MAD1L1: variants seen among roughly 807,000 people sequenced by gnomAD.
MAD1L1 encodes mitotic arrest deficient 1 like 1, also known as mitotic spindle assembly checkpoint protein MAD1.
A neutral mutation model predicts 96.9 loss-of-function variants in MAD1L1; 95 were observed. The observed-to-expected ratio is 0.98, with a 90% CI of 0.83 to 1.16. The LOEUF is 1.16. Among genes scored for constraint, MAD1L1 ranks in the 50% most tolerant of loss-of-function variants. The pLI is 0.00. For missense variants in MAD1L1, 1,007 were observed against 954.4 expected (o/e 1.06, Z -0.73); for synonymous variants, 473 against 396.6 (o/e 1.19, Z -2.29).
At chr7:2,188,930 G>A (rs561952543) in intron 10 of MAD1L1, among the ~76,000 whole-genome samples, 3 of 152,268 alleles carry the variant, frequency 2.0e-5, no homozygotes, top group South Asian at 4.1e-4. Flanking sequence ...TTTGGAAACC[G>A]TATCTGTAAG....
intron 14 of MAD1L1, among the ~76,000 whole-genome samples, chr7:1,997,534 G>A (rs1268978161): frequency 6.6e-6 from 1 of 152,262 alleles, no homozygotes; most frequent in Non-Finnish European, 1.5e-5. Flanking sequence ...GCGAGCTCCC[G>A]CTCAGGTTCC....
In MAD1L1 at chr7:2,033,959, G is replaced by A. The variant is rs1783349959; in HGVS notation, c.1219-19317C>T. On this transcript the variant is annotated intron_variant, in intron 12 of 18. Transcript: ENST00000265854. ...AATTTTTTTTTAATTAGCCAGGCGG[G>A]GCGGCATGCACCTATAGTCCCAGCT... 2.6e-5 allele frequency among the ~76,000 whole-genome samples: 4 copies of A among 152,142 alleles called. No individual in the cohort carries two copies. In the South Asian group the frequency reaches 8.3e-4, roughly 32 times the overall value.
Position 1,936,743 on chromosome 7 carries a change from A to G in MAD1L1, c.1751T>C (p.Val584Ala). The G allele has an allele frequency of 6.4e-7, 1 of 1,565,618 alleles. No homozygotes were observed. ...GGCGGCAGCCTCAAGGTCGGCTGGG[A>G]CGGTGCCTCCTCTCTCCATGGCGCG... Reference protein sequence around the residue: ...LLRAMERGGTVPADLEAAAAS... With the variant: ...LLRAMERGGTAPADLEAAAAS... The change falls in exon 17 of 19, where the codon GTC (valine) becomes GCC (alanine). Residue 584 changes from valine (V) to alanine (A), a missense_variant. Physicochemically the swap from Val to Ala is moderately conservative, Grantham distance 64. Coordinates refer to ENST00000265854, the MANE Select transcript of MAD1L1 (RefSeq NM_001013836.2).
At chr7:2,066,995 C>A (rs2128527593) in intron 12 of MAD1L1, among the ~76,000 whole-genome samples, 1 of 152,366 alleles carries the variant, frequency 6.6e-6, no homozygotes, top group Non-Finnish European at 1.5e-5. Context: ...CTGTGGGGGC[C>A]ACACTTGTAG....
chr7:2,222,851 C>CA (rs5881919), intron 4 of MAD1L1, 97 bp from the exon 5 acceptor site: 2 of 1,043,558 alleles, frequency 1.9e-6, no homozygotes, highest in Non-Finnish European at 2.7e-6. Context: ...TGCCGAGGCA[C>CA]AAAAAAGAGC....
chr7:1,907,743 G>A (rs145446256), intron 17 of MAD1L1, among the ~76,000 whole-genome samples: 72 of 152,366 alleles, frequency 4.7e-4, no homozygotes, highest in African/African-American at 1.6e-3. Context: ...GCAATAACGT[G>A]TTCCTCTTAA....
chr7:1,825,909 G>A (rs528736933), intron 18 of MAD1L1, among the ~76,000 whole-genome samples: 9 of 152,098 alleles, frequency 5.9e-5, no homozygotes, highest in Non-Finnish European at 7.4e-5. Flanking sequence ...CAGGGTTGGC[G>A]GTCGGCACAG....
chr7:2,116,042 C>T (rs1174957519), intron 11 of MAD1L1, among the ~76,000 whole-genome samples: 1 of 152,224 alleles, frequency 6.6e-6, no homozygotes, highest in Non-Finnish European at 1.5e-5. Flanking sequence ...AACCACACTC[C>T]CTAACCCGAA....
intron 12 of MAD1L1, among the ~76,000 whole-genome samples, chr7:2,054,416 C>T (rs1056381837): frequency 3.9e-5 from 6 of 152,096 alleles, no homozygotes; most frequent in Admixed American, 2.6e-4. Flanking sequence ...TTGATTTCAC[C>T]GTATTTCCTA....
chr7:1,827,726 CCTG>C (rs1403458365), intron 18 of MAD1L1, among the ~76,000 whole-genome samples: 1,422 of 104,270 alleles, frequency 0.014, 408 homozygotes, highest in South Asian at 0.028. Flanking sequence ...CCTCCTGAGC[CCTG>C]CGTGGCTGTG....
At chr7:2,079,104 C>T (rs564115613) in intron 11 of MAD1L1, among the ~76,000 whole-genome samples, 2 of 152,362 alleles carry the variant, frequency 1.3e-5, no homozygotes, top group East Asian at 1.9e-4. Context: ...TTCAAGTCCA[C>T]GTGGCCAGCT....
chr7:2,129,848 G>A (rs577366565), intron 11 of MAD1L1, among the ~76,000 whole-genome samples: 21 of 152,330 alleles, frequency 1.4e-4, no homozygotes, highest in South Asian at 4.1e-4. Context: ...AGCCACCACC[G>A]TCGGAGGGGC....
intron 12 of MAD1L1, among the ~76,000 whole-genome samples, chr7:2,057,100 C>T (rs776549465): frequency 6.6e-6 from 1 of 152,220 alleles, no homozygotes; most frequent in African/African-American, 2.4e-5. Flanking sequence ...CAGCCATCAC[C>T]GCCTCAACGC....
intron 18 of MAD1L1, among the ~76,000 whole-genome samples, chr7:1,842,819 G>C (rs991682395): frequency 6.6e-6 from 1 of 152,230 alleles, no homozygotes; most frequent in African/African-American, 2.4e-5. Context: ...GCACAGCTGC[G>C]TCCCACATGT....
rs554499595 is a variant in MAD1L1, at chr7:2,142,983, CCA to C, written c.1073+6167_1073+6168del. 2.0e-4 allele frequency among the ~76,000 whole-genome samples: 30 copies of C among 152,302 alleles called. No homozygotes were observed. The highest frequency in any genetic ancestry group is 6.7e-4 in the African/African-American group (28 of 41,548). On this transcript the variant is annotated intron_variant, in intron 11 of 18. Coordinates refer to ENST00000265854, the MANE Select transcript of MAD1L1 (RefSeq NM_001013836.2). The surrounding 1 kb of genome is among the most constrained non-coding windows in gnomAD (Gnocchi z 4.7). ...GGCCACACACAGGAGACATCCTGCC[CCA>C]CAGAGTCCCCTGGAAAACTTACCCC...
At chr7:2,225,703 G>C in intron 3 of MAD1L1, 153 bp from the exon 4 acceptor site, 1 of 778,514 alleles carries the variant, frequency 1.3e-6, no homozygotes, top group South Asian at 1.9e-5. Flanking sequence ...CTCCAGGCTG[G>C]GGAACAGGGG....
chr7:1,873,934 CAGGCCCAGGCTG>C lies in MAD1L1; in HGVS notation c.1998+24254_1998+24265del, dbSNP rs142671079. Among the ~76,000 whole-genome samples the C allele has an allele frequency of 7.2e-3, 1,091 of 152,288 alleles. 7 individuals carry two copies. The highest frequency in any genetic ancestry group is 0.025 in the African/African-American group (1,049 of 41,558). ...CACCAGGGAGGAAGCGTGGAGCACACAGGCCCAGGCTGAGGCCAGAGGGCCTCTTGGAGCACC... is the reference window on the plus strand; with the variant it reads ...CACCAGGGAGGAAGCGTGGAGCACACAGGCCAGAGGGCCTCTTGGAGCACC... On this transcript the variant is annotated intron_variant, in intron 18 of 18. Transcript: ENST00000265854.
intron 12 of MAD1L1, among the ~76,000 whole-genome samples, chr7:2,051,989 T>C (rs980871414): frequency 6.6e-6 from 1 of 151,990 alleles, no homozygotes; most frequent in Non-Finnish European, 1.5e-5. Flanking sequence ...TGGGAATGGA[T>C]GTTTACAGGG....
chr7:1,840,034 C>T (rs1313193137), intron 18 of MAD1L1, among the ~76,000 whole-genome samples: 5 of 152,360 alleles, frequency 3.3e-5, no homozygotes, highest in African/African-American at 4.8e-5. Flanking sequence ...CCCAGCACGG[C>T]GGGCATTCCA....
Sources: allele counts gnomAD v4.1 joint callset (sites outside exome capture counted in the v4.1 genomes callset), GRCh38; gene constraint gnomAD v4.1.1; non-coding constraint Gnocchi (gnomAD v3.1); transcripts MANE v1.5; gene names NCBI Gene and HGNC (gene_info 2026-07-23, HGNC 2026-07-21).